ANKDD1A: variants seen among roughly 807,000 people sequenced by gnomAD.
The protein encoded by ANKDD1A is ankyrin repeat and death domain containing 1A.
A neutral mutation model predicts 63.5 loss-of-function variants in ANKDD1A; 59 were observed. The ratio of observed to expected loss-of-function variants is 0.93; its 90% CI spans 0.75 to 1.15. The LOEUF (loss-of-function observed/expected upper bound fraction) is 1.15. ANKDD1A is among the 50% of genes most tolerant of loss of function. The probability of loss-of-function intolerance (pLI) is 0.00; values close to 1 mark genes in which losing one functional copy is unlikely to be tolerated. For missense variants in ANKDD1A, 632 were observed against 656.4 expected (o/e 0.96, Z 0.41); for synonymous variants, 266 against 263.9 (o/e 1.01, Z -0.08).
chr15:64,948,166 C>T (rs565432944), intron 13 of ANKDD1A, among the ~76,000 whole-genome samples: 14 of 152,266 alleles, frequency 9.2e-5, no homozygotes, highest in Middle Eastern at 3.4e-3. Flanking sequence ...GAGAGAGAAT[C>T]TTTTAAAAGA....
At chr15:64,953,527 T>TC (rs1421901765) in intron 14 of ANKDD1A, among the ~76,000 whole-genome samples, 1 of 74,634 alleles carries the variant, frequency 1.3e-5, no homozygotes, top group African/African-American at 3.7e-5. Flanking sequence ...CCTTCTTCCT[T>TC]CTTCTCCTCT....
intron 7 of ANKDD1A, 128 bp from the exon 8 acceptor site, chr15:64,931,359 G>T (rs768021065): frequency 3.6e-4 from 274 of 770,254 alleles, no homozygotes; most frequent in Non-Finnish European, 5.5e-4. Context: ...TGTTCCCAGG[G>T]GCAGGGCAGT....
chr15:64,925,690 A>G (rs1019555662), intron 4 of ANKDD1A, among the ~76,000 whole-genome samples: 1 of 152,146 alleles, frequency 6.6e-6, no homozygotes, highest in African/African-American at 2.4e-5. Flanking sequence ...GTTTGAATTA[A>G]TTTTCAGTTG....
At chr15:64,955,535 T>TG (rs1259839000) in intron 14 of ANKDD1A, among the ~76,000 whole-genome samples, 2 of 152,210 alleles carry the variant, frequency 1.3e-5, no homozygotes, top group Non-Finnish European at 2.9e-5. Context: ...GATGTGTTTC[T>TG]GGGGAATTGT....
chr15:64,938,516 AC>A (rs1328856896), intron 9 of ANKDD1A, among the ~76,000 whole-genome samples: 1 of 152,240 alleles, frequency 6.6e-6, no homozygotes, highest in Non-Finnish European at 1.5e-5. Flanking sequence ...GAAATACTTG[AC>A]AAGTAATTCT....
chr15:64,922,199 C>T (rs1268116472), intron 4 of ANKDD1A, 180 bp downstream of exon 4: 2 of 582,104 alleles, frequency 3.4e-6, no homozygotes, highest in Non-Finnish European at 6.0e-6. Context: ...TGGGAGAGTT[C>T]CCAGCCCTCT....
Position 64,915,980 on chromosome 15 carries a change from T to C in ANKDD1A, c.138+80T>C, listed in dbSNP as rs139121640. On this transcript the variant is annotated intron_variant, in intron 2 of 14. Transcript: ENST00000319580. ...CAGTACACAGGGGGAATAGTTTATC[T>C]GAGCTAGAGGCAGGCACATTTGCAT... 1.6e-4 allele frequency: 220 copies of C among 1,371,684 alleles called. 2 individuals carry two copies. The African/African-American group carries it at 2.9e-3, about 18-fold the overall frequency. 85.0% of individuals were successfully genotyped at this position (1,371,684 alleles called of 1,614,324 possible).
rs1566919807 is a variant in ANKDD1A, at chr15:64,956,241, TTC to T, written c.1484-860_1484-859del. Among the ~76,000 whole-genome samples, 21 of 39,848 alleles carry T rather than the reference TTC, an allele frequency of 5.3e-4. 3 individuals are homozygous for T. Among genetic ancestry groups the T allele is most frequent in the Non-Finnish European group, 6.0e-4 (9 of 15,098 alleles). The allele number at this position is 39,848 out of a possible 152,430, so 26.1% of individuals were successfully genotyped here. On this transcript the variant is annotated intron_variant, in intron 14 of 14. Coordinates refer to ENST00000319580, the MANE Select transcript of ANKDD1A (RefSeq NM_182703.6). ...TTTTTTCTTTGGATTCCTTTTTTTT[TTC>T]TTTTTTTTTGAAACAGTTTAGCTTG...
chr15:64,947,126 G>T (rs899193072), intron 12 of ANKDD1A, among the ~76,000 whole-genome samples: 5 of 152,166 alleles, frequency 3.3e-5, no homozygotes, highest in Admixed American at 2.0e-4. Context: ...GTAGCACATG[G>T]GTAGTCTTTT....
intron 3 of ANKDD1A, among the ~76,000 whole-genome samples, chr15:64,920,792 C>T (rs1185739956): frequency 6.6e-6 from 1 of 152,078 alleles, no homozygotes; most frequent in Admixed American, 6.6e-5. Flanking sequence ...AAGCGATCCT[C>T]CCACCTTGGT....
At chr15:64,950,680 T>G (rs946317065) in intron 14 of ANKDD1A, 11 of 983,888 alleles carry the variant, frequency 1.1e-5, no homozygotes, top group Non-Finnish European at 1.3e-5. Flanking sequence ...TTCTAGTATA[T>G]TGCTGAGGGA....
chr15:64,943,187 T>C (rs1292230406), intron 10 of ANKDD1A: 3 of 345,740 alleles, frequency 8.7e-6, no homozygotes, highest in East Asian at 1.1e-4. Context: ...TATTTAATAA[T>C]AGGGAAGTGG....
Position 64,915,794 on chromosome 15 carries a change from C to T in ANKDD1A, c.35-3C>T. ...CATCCTGCACCCCATTTTCTCCCCA[C>T]AGTGCTTCCTCTGGAGAGGCAGCTC... On this transcript the variant is annotated splice_polypyrimidine_tract_variant and splice_region_variant and intron_variant, in intron 1 of 14. Coordinates refer to ENST00000319580, the MANE Select transcript of ANKDD1A (RefSeq NM_182703.6). 6.2e-7 allele frequency: 1 copy of T among 1,613,778 alleles called. No homozygotes were observed. Among genetic ancestry groups the T allele is most frequent in the Non-Finnish European group, 8.5e-7 (1 of 1,179,788 alleles).
chr15:64,943,796 C>A, intron 11 of ANKDD1A: 1 of 587,558 alleles, frequency 1.7e-6, no homozygotes, highest in Non-Finnish European at 3.0e-6. Context: ...CTTGGCCCAC[C>A]CCCCTCTGGT....
chr15:64,951,449 T>TTTC (rs71447826), intron 14 of ANKDD1A: 78,840 of 135,068 alleles, frequency 0.58, 22,783 homozygotes, highest in East Asian at 0.8. Context: ...TCTTCTTCCC[T>TTTC]TTCTTTTCTT....
At chr15:64,947,191 A>G (rs1217101651) in intron 12 of ANKDD1A, among the ~76,000 whole-genome samples, 1 of 152,154 alleles carries the variant, frequency 6.6e-6, no homozygotes, top group Non-Finnish European at 1.5e-5. Flanking sequence ...TTCCGGGTGG[A>G]AGAACAGTGG....
chr15:64,945,630 A>ATATATATATG (rs1188413566), intron 12 of ANKDD1A, among the ~76,000 whole-genome samples: 43 of 46,154 alleles, frequency 9.3e-4, no homozygotes, highest in African/African-American at 2.1e-3. Context: ...ATATATATAT[A>ATATATATATG]TGAACTTTTT....
rs2085288821 is a variant in ANKDD1A at position 64,951,838 on chromosome 15, TTC to T, written c.1483+1868_1483+1869del. ...TTCTTCCTCTTCTTCATCCTTCTTA[TTC>T]TTTCTTCTTCTTTCTTCTTCCTCTT... On this transcript the variant is annotated intron_variant, in intron 14 of 14. Coordinates refer to ENST00000319580, the MANE Select transcript of ANKDD1A (RefSeq NM_182703.6). Among the ~76,000 whole-genome samples the T allele has an allele frequency of 5.7e-5, 4 of 69,700 alleles. No individual in the cohort carries two copies. The South Asian group carries it at 1.1e-3, about 20-fold the overall frequency. The allele number at this position is 69,700 out of a possible 152,430, so 45.7% of individuals were successfully genotyped here.
chr15:64,933,286 C>T (rs1015538344), intron 8 of ANKDD1A, among the ~76,000 whole-genome samples: 17 of 152,212 alleles, frequency 1.1e-4, no homozygotes, highest in African/African-American at 4.1e-4. Context: ...TCCCACATCT[C>T]AAGAACTCCT....
Sources: gnomAD v4.1 joint callset for allele counts (sites outside exome capture counted in the v4.1 genomes callset) on GRCh38, gnomAD v4.1.1 for gene constraint, MANE v1.5 for transcripts, NCBI Gene and HGNC (gene_info 2026-07-23, HGNC 2026-07-21) for gene names.